The following MED12 variants were observed in gnomAD, a reference collection of about 807,000 sequenced individuals.
The protein encoded by MED12 is mediator complex subunit 12.
Under a neutral mutation model 177.7 loss-of-function variants are expected in MED12, and 10 were observed. The ratio of observed to expected loss-of-function variants is 0.06; its 90% CI spans 0.03 to 0.10. The LOEUF is 0.10. Among genes scored for constraint, MED12 ranks in the 10% least tolerant of loss-of-function variants. MED12 has a pLI of 1.00. For synonymous variants in MED12, 641 were observed against 678.4 expected (o/e 0.94, Z 0.86); for missense variants, 867 against 1,780.8 (o/e 0.49, Z 9.23).
intron 17 of MED12, 89 bp downstream of exon 17, chrX:71,125,802 C>A: frequency 2.3e-6 from 2 of 867,683 alleles, no homozygotes; most frequent in Non-Finnish European, 3.4e-6. Flanking sequence ...CCTTTAAGGT[C>A]CACATAGTCT....
At chrX:71,138,412 G>A (rs1447796174) in intron 41 of MED12, among the ~76,000 whole-genome samples, 1 of 109,947 alleles carries the variant, frequency 9.1e-6, no homozygotes, top group Non-Finnish European at 1.9e-5. Context: ...CTGCAGCCTC[G>A]ACCTCTGAGG....
intron 41 of MED12, 100 bp downstream of exon 41, chrX:71,138,043 T>C: frequency 1.2e-6 from 1 of 820,911 alleles, no homozygotes; most frequent in Non-Finnish European, 1.8e-6. Context: ...TGGTCAGAAC[T>C]TTCGGAGACA....
chrX:71,129,227 T>C lies in MED12; in HGVS notation c.3577+12T>C, dbSNP rs748526937. ...CCAGTCTGATGGAAGTAAGTGACCC[T>C]GATCTGAACCAGCCAACAGTAGAAA... On this transcript the variant is annotated intron_variant, in intron 25 of 44. Coordinates refer to ENST00000374080, the MANE Select transcript of MED12 (RefSeq NM_005120.3). 6.6e-5 allele frequency: 79 copies of C among 1,190,052 alleles called. No individual in the cohort carries two copies. Among genetic ancestry groups the C allele is most frequent in the Non-Finnish European group, 8.7e-5 (76 of 877,166 alleles).
At chrX:71,140,901 G>T in intron 42 of MED12, 44 bp downstream of exon 42, 1 of 1,199,533 alleles carries the variant, frequency 8.3e-7, no homozygotes, top group South Asian at 1.8e-5. Flanking sequence ...GCCCAGGGAG[G>T]AAGAGAGGCA....
At chrX:71,134,940 C>T (rs367747577) in intron 35 of MED12, 92 bp downstream of exon 35, 9 of 1,166,573 alleles carry the variant, frequency 7.7e-6, no homozygotes, top group East Asian at 6.0e-5. Context: ...CTCTACCTTT[C>T]CTTCTCACGT....
chrX:71,125,281 G>A (rs2092300024), intron 15 of MED12, 70 bp from the exon 16 acceptor site: 1 of 1,200,142 alleles, frequency 8.3e-7, no homozygotes, highest in Non-Finnish European at 1.1e-6. Flanking sequence ...ATGCTGAGGG[G>A]TGTGGAGCAT....
chrX:71,135,912 G>A (rs2092331084), intron 36 of MED12, among the ~76,000 whole-genome samples: 1 of 108,836 alleles, frequency 9.2e-6, no homozygotes, highest in Admixed American at 9.9e-5. Flanking sequence ...CTCTTTCTCT[G>A]CCTTCCTTTT....
Position 71,119,862 on chromosome X carries a change from G to A in MED12, c.381G>A (p.Thr127=), listed in dbSNP as rs202125318. ...ACTTGGCTGGCACCAAGCCACTCACGCAACTAGCCAAAAAGGTAAGGTACT... is the reference window on the plus strand; with the variant it reads ...ACTTGGCTGGCACCAAGCCACTCACACAACTAGCCAAAAAGGTAAGGTACT... ...FTDLAGTKPL[T]QLAKKVPIFS... The change falls in exon 3 of 45, where the codon ACG becomes ACA. Residue 127 remains threonine, a synonymous_variant. Coordinates refer to ENST00000374080, the MANE Select transcript of MED12 (RefSeq NM_005120.3). 255 of 1,209,525 alleles carry A rather than the reference G, an allele frequency of 2.1e-4. No homozygotes were observed. Among genetic ancestry groups the A allele is most frequent in the African/African-American group, 8.4e-4 (48 of 57,150 alleles).
At chrX:71,136,710 G>A (rs2092333506) in intron 37 of MED12, 55 bp downstream of exon 37, 34 of 1,198,080 alleles carry the variant, frequency 2.8e-5, no homozygotes, top group Non-Finnish European at 3.6e-5. Flanking sequence ...ATGACGCTCC[G>A]GTTTCTGGTT....
At chrX:71,132,582 GA>G (rs2092320260) in intron 31 of MED12, 44 bp downstream of exon 31, 1 of 1,147,691 alleles carries the variant, frequency 8.7e-7, no homozygotes, top group South Asian at 1.9e-5. Flanking sequence ...GGGTAGAAAG[GA>G]GAAGAGGCAG....
chrX:71,135,919 T>C (rs2092331091), intron 36 of MED12, among the ~76,000 whole-genome samples: 1 of 109,979 alleles, frequency 9.1e-6, no homozygotes, highest in African/African-American at 3.3e-5. Context: ...TCTGCCTTCC[T>C]TTTTCTGTCT....
intron 33 of MED12, among the ~76,000 whole-genome samples, chrX:71,133,758 C>A (rs980718660): frequency 1.8e-5 from 2 of 111,210 alleles, no homozygotes; most frequent in African/African-American, 6.5e-5. Context: ...GGGCCTCTGC[C>A]TCAGTATCCT....
intron 3 of MED12, 60 bp from the exon 4 acceptor site, chrX:71,119,954 C>T (rs961936729): frequency 1.7e-6 from 2 of 1,201,563 alleles, no homozygotes; most frequent in Non-Finnish European, 2.3e-6. Flanking sequence ...CCATATTAAG[C>T]TACATGGGTG....
rs2092281208 is a variant in MED12 at position 71,118,702 on chromosome X, TC to T, written c.-48del. 8.9e-7 allele frequency: 1 copy of T among 1,126,544 alleles called. No individual in the cohort carries two copies. The highest frequency in any genetic ancestry group is 3.2e-5 in the East Asian group (1 of 31,665). The allele number at this position is 1,126,544 out of a possible 1,213,427, so 92.8% of individuals were successfully genotyped here. A position where few individuals can be genotyped will look rare whatever the true frequency, so the allele number is the denominator to read the frequency against. ...TTCGGCTCCCTCTCCCCCTTCCCGT[TC>T]CCCCAGTCAGCCTGGCCCTGCTGGT... On this transcript the variant is annotated 5_prime_UTR_variant, in exon 1 of 45. Coordinates refer to ENST00000374080, the MANE Select transcript of MED12 (RefSeq NM_005120.3).
chrX:71,118,708 A>G lies in MED12; in HGVS notation c.-47A>G. ...TCCCTCTCCCCCTTCCCGTTCCCCC[A>G]GTCAGCCTGGCCCTGCTGGTGCCTC... On this transcript the variant is annotated 5_prime_UTR_variant, in exon 1 of 45. Transcript: ENST00000374080. 8.8e-7 allele frequency: 1 copy of G among 1,137,920 alleles called. No homozygotes were observed. Among genetic ancestry groups the G allele is most frequent in the Non-Finnish European group, 1.2e-6 (1 of 841,095 alleles). 93.8% of individuals were successfully genotyped at this position (1,137,920 alleles called of 1,213,427 possible).
rs747836622 is a variant in MED12, at chrX:71,136,460, C to G, written c.5205C>G (p.Arg1735=). The G allele has an allele frequency of 8.3e-7, 1 of 1,207,163 alleles. No individual in the cohort carries two copies. Among genetic ancestry groups the G allele is most frequent in the Non-Finnish European group, 1.1e-6 (1 of 894,357 alleles). Residue 1735 remains arginine, a synonymous_variant, in exon 37 of 45, where the codon CGC becomes CGG. Coordinates refer to ENST00000374080, the MANE Select transcript of MED12 (RefSeq NM_005120.3). ...LYHTHLRPRP[R]AYYLEPLPLP... The stretch of plus-strand genomic sequence containing the variant: ...ACACACACCTGAGGCCCCGGCCCCG[C>G]GCCTATTACCTGGAGCCACTGCCAC...
intron 3 of MED12, 53 bp from the exon 4 acceptor site, chrX:71,119,961 G>A: frequency 1.7e-6 from 2 of 1,205,205 alleles, no homozygotes; most frequent in Admixed American, 4.3e-5. Flanking sequence ...AAGCTACATG[G>A]GTGTCAGCTC....
At position 71,142,365 on chromosome X, in the gene MED12, T is replaced by C. The variant is rs1312826026; in HGVS notation, c.*147T>C. ...TAAGTTTTTAGTATTTTTGTTAATGTGAGGCATTGAGCTGTTGGGTTTTGT... is the reference window on the plus strand; with the variant it reads ...TAAGTTTTTAGTATTTTTGTTAATGCGAGGCATTGAGCTGTTGGGTTTTGT... On this transcript the variant is annotated 3_prime_UTR_variant, in exon 45 of 45. Transcript: ENST00000374080. 9.1e-6 allele frequency: 5 copies of C among 549,840 alleles called. No homozygotes were observed. Among genetic ancestry groups the C allele is most frequent in the Non-Finnish European group, 1.5e-5 (5 of 333,422 alleles). The allele number at this position is 549,840 out of a possible 1,213,427, so 45.3% of individuals were successfully genotyped here. A position where few individuals can be genotyped will look rare whatever the true frequency, so the allele number is the denominator to read the frequency against.
intron 31 of MED12, 57 bp downstream of exon 31, chrX:71,132,595 C>G (rs2147815078): frequency 8.8e-7 from 1 of 1,132,745 alleles, no homozygotes; most frequent in Admixed American, 2.6e-5. Flanking sequence ...AAGAGGCAGG[C>G]CCGGGGAAGA....
Sources: gnomAD v4.1 joint callset for allele counts (sites outside exome capture counted in the v4.1 genomes callset) on GRCh38, gnomAD v4.1.1 for gene constraint, MANE v1.5 for transcripts, NCBI Gene and HGNC (gene_info 2026-07-23, HGNC 2026-07-21) for gene names.